Variants in SLC25A3 observed in about 807,000 individuals in gnomAD.
The protein encoded by SLC25A3 is phosphate transport protein.
In SLC25A3, 14 loss-of-function variants were observed where a neutral mutation model predicts 37.1. That is an observed-to-expected ratio of 0.38 (90% CI 0.25 to 0.59). The LOEUF (loss-of-function observed/expected upper bound fraction) is 0.59. SLC25A3 is among the 20% of genes least tolerant of loss of function. The pLI is 0.67. For synonymous variants in SLC25A3, 161 were observed against 168.7 expected (o/e 0.95, Z 0.36); for missense variants, 385 against 458.1 (o/e 0.84, Z 1.46).
At chr12:98,600,294 G>A (rs1201993941) in intron 6 of SLC25A3, among the ~76,000 whole-genome samples, 167 bp downstream of exon 6, 1 of 152,212 alleles carries the variant, frequency 6.6e-6, no homozygotes, top group African/African-American at 2.4e-5. Flanking sequence ...CTGGAGTGCA[G>A]TGGCATGATA....
chr12:98,598,173 G>T (rs2097594593), intron 4 of SLC25A3, 138 bp downstream of exon 4: 1 of 794,088 alleles, frequency 1.3e-6, no homozygotes, highest in Non-Finnish European at 2.1e-6. Context: ...TAAATCGTAT[G>T]CCTGTGTCAG....
In SLC25A3 at chr12:98,600,612, A is replaced by G. The variant is rs532637741; in HGVS notation, c.814+485A>G. ...TATTTTTAGTAGAGACGGTTTCACT[A>G]TGTTGGCCAGGCTGGTCTCAAACTC... On this transcript the variant is annotated intron_variant, in intron 6 of 7. Coordinates refer to ENST00000552981, the MANE Select transcript of SLC25A3 (RefSeq NM_002635.4). 3.2e-4 allele frequency among the ~76,000 whole-genome samples: 49 copies of G among 152,042 alleles called. 1 individual carries two copies. Among genetic ancestry groups the G allele is most frequent in the Middle Eastern group, 6.8e-3 (2 of 294 alleles).
At chr12:98,593,764 T>G in intron 1 of SLC25A3, 24 bp downstream of exon 1, 1 of 611,986 alleles carries the variant, frequency 1.6e-6, no homozygotes, top group Non-Finnish European at 2.9e-6. Flanking sequence ...GGCCTTCTCC[T>G]GTGGCGGGTG....
chr12:98,599,345 G>A (rs533093713), intron 5 of SLC25A3, among the ~76,000 whole-genome samples: 4 of 152,284 alleles, frequency 2.6e-5, no homozygotes, highest in Admixed American at 6.5e-5. Context: ...GAGACACCGC[G>A]TCTGGCTGTG....
intron 2 of SLC25A3, chr12:98,595,430 CAG>C: frequency 5.0e-6 from 8 of 1,612,612 alleles, no homozygotes; most frequent in Non-Finnish European, 6.8e-6. Flanking sequence ...TCCAATCAAA[CAG>C]AGCAGTATAG....
intron 6 of SLC25A3, among the ~76,000 whole-genome samples, chr12:98,600,699 A>G (rs941309995): frequency 6.6e-6 from 1 of 152,172 alleles, no homozygotes; most frequent in Non-Finnish European, 1.5e-5. Flanking sequence ...GGCGTGAGCC[A>G]CCGCGCCTGG....
rs939019408 is a variant in SLC25A3 at position 98,602,941 on chromosome 12, G to T, written c.*1413G>T. The T allele has an allele frequency of 6.6e-6, 1 of 152,198 alleles. No homozygotes were observed. Among genetic ancestry groups the T allele is most frequent in the Admixed American group, 6.5e-5 (1 of 15,274 alleles). The allele number at this position is 152,198 out of a possible 1,614,324, so 9.4% of individuals were successfully genotyped here. On this transcript the variant is annotated 3_prime_UTR_variant, in exon 8 of 8. Transcript: ENST00000552981. ...TAGAAGCCAGTGCAGCTAGTTGCAT[G>T]TTAACTTCTTTATATCATCATTGCC...
rs1245696879 is a variant in SLC25A3 at position 98,595,624 on chromosome 12, C to G, written c.158-103C>G. The G allele has an allele frequency of 6.2e-6, 10 of 1,611,612 alleles. No individual in the cohort carries two copies. The African/African-American group carries it at 1.3e-4, about 22-fold the overall frequency. ...TGACTGTTAAGTTATAAGATATAGT[C>G]ATCTAACAAGCTGTGTGGAAACCTA... On this transcript the variant is annotated intron_variant, in intron 2 of 7. Transcript: ENST00000552981.
At chr12:98,598,146 A>AGTTGCTCACTTTGTAGG in intron 4 of SLC25A3, 111 bp downstream of exon 4, 1 of 1,043,018 alleles carries the variant, frequency 9.6e-7, no homozygotes, top group Non-Finnish European at 1.5e-6. Context: ...TGGTCCTACA[A>AGTTGCTCACTTTGTAGG]AGTGAGCAAC....
At chr12:98,595,306 T>G in intron 2 of SLC25A3, 3 of 1,022,892 alleles carry the variant, frequency 2.9e-6, no homozygotes, top group Non-Finnish European at 4.4e-6. Flanking sequence ...TTTAAGCCAC[T>G]TAATTGTGGC....
chr12:98,598,989 C>T (rs968496033), intron 5 of SLC25A3, among the ~76,000 whole-genome samples: 3 of 151,906 alleles, frequency 2.0e-5, no homozygotes, highest in South Asian at 2.1e-4. Context: ...TCTCCATCTC[C>T]TGACCTCATG....
rs192580430 is a variant in SLC25A3, at chr12:98,598,744, T to C, written c.641+41T>C. On this transcript the variant is annotated intron_variant, in intron 5 of 7. Coordinates refer to ENST00000552981, the MANE Select transcript of SLC25A3 (RefSeq NM_002635.4). ...AAAATTTATACTATGAAAGTACTTATTTTAAGTGAACTTCATTTTTTTTTG... is the reference window on the plus strand; with the variant it reads ...AAAATTTATACTATGAAAGTACTTACTTTAAGTGAACTTCATTTTTTTTTG... The C allele has an allele frequency of 1.7e-5, 26 of 1,540,344 alleles. No homozygotes were observed. The African/African-American group carries it at 2.8e-4, about 16-fold the overall frequency.
chr12:98,594,254 A>G, intron 2 of SLC25A3, 119 bp downstream of exon 2: 2 of 878,202 alleles, frequency 2.3e-6, no homozygotes, highest in Non-Finnish European at 3.7e-6. Flanking sequence ...GCACCGTAGG[A>G]CGGCGCCCAG....
In SLC25A3 at chr12:98,593,965, C is replaced by T. The variant is rs369968940; in HGVS notation, c.-4-10C>T. 6.4e-5 allele frequency: 103 copies of T among 1,613,758 alleles called. 1 individual carries two copies. In the South Asian group the frequency reaches 6.6e-4, roughly 10 times the overall value. The stretch of plus-strand genomic sequence containing the variant: ...GCCTGTCCTCTAACCGTCGCTCCCT[C>T]CTCCCCTAGAAAGATGTTCTCGTCC... On this transcript the variant is annotated splice_polypyrimidine_tract_variant and intron_variant, in intron 1 of 7. Transcript: ENST00000552981.
Position 98,597,921 on chromosome 12 carries a change from T to C in SLC25A3, c.345T>C (p.Val115=). 6.2e-7 allele frequency: 1 copy of C among 1,614,220 alleles called. No homozygotes were observed. The highest frequency in any genetic ancestry group is 8.5e-7 in the Non-Finnish European group (1 of 1,180,052). ...CAGTTACACTTAAAGAGGATGGTGT[T>C]CGTGGTTTGGCTAAAGGATGGGCTC... ...GFSVTLKEDG[V]RGLAKGWAPT... Residue 115 remains valine (V), a synonymous_variant, in exon 4 of 8, where the codon GTT becomes GTC. Coordinates refer to ENST00000552981, the MANE Select transcript of SLC25A3 (RefSeq NM_002635.4).
At chr12:98,596,064 G>A (rs1310892468) in intron 3 of SLC25A3, among the ~76,000 whole-genome samples, 1 of 152,192 alleles carries the variant, frequency 6.6e-6, no homozygotes, top group Non-Finnish European at 1.5e-5. Context: ...GAGTCTGGCT[G>A]TAAATGGCTC....
Position 98,593,727 on chromosome 12 carries a change from C to G in SLC25A3, c.-18C>G. ...CTTTCCAAGGGAGTGGTTGTGTGAT[C>G]GCCATCTTAGGGAGTGAGTGTGGCC... On this transcript the variant is annotated 5_prime_UTR_variant, in exon 1 of 8. The change creates a new upstream start codon in the 5' untranslated region. Coordinates refer to ENST00000552981, the MANE Select transcript of SLC25A3 (RefSeq NM_002635.4). 3.4e-6 allele frequency: 2 copies of G among 580,184 alleles called. No homozygotes were observed. Among genetic ancestry groups the G allele is most frequent in the South Asian group, 4.0e-5 (2 of 50,138 alleles). 35.9% of individuals were successfully genotyped at this position (580,184 alleles called of 1,614,324 possible).
chr12:98,594,162 T>G (rs753981130), intron 2 of SLC25A3, 27 bp downstream of exon 2: 2 of 1,574,076 alleles, frequency 1.3e-6, no homozygotes, highest in African/African-American at 2.7e-5. Flanking sequence ...CCCAATACAG[T>G]CGTGTGGTCT....
chr12:98,598,402 C>T, intron 4 of SLC25A3, 120 bp from the exon 5 acceptor site: 1 of 1,472,256 alleles, frequency 6.8e-7, no homozygotes, highest in Non-Finnish European at 9.3e-7. Flanking sequence ...ATATATATTC[C>T]ATATCATCGT....
Sources: allele counts gnomAD v4.1 joint callset (sites outside exome capture counted in the v4.1 genomes callset), GRCh38; gene constraint gnomAD v4.1.1; transcripts MANE v1.5; gene names NCBI Gene and HGNC (gene_info 2026-07-23, HGNC 2026-07-21).